Variants in OXR1 observed in about 807,000 individuals in gnomAD.
OXR1 encodes the protein oxidation resistance protein 1.
In OXR1, 41 loss-of-function variants were observed where a neutral mutation model predicts 104.6. The observed-to-expected ratio is 0.39, with a 90% CI of 0.31 to 0.51. The LOEUF is 0.51. Ranked by LOEUF, OXR1 falls within the 20% of genes least tolerant of loss-of-function variation. The pLI, the probability that OXR1 is intolerant of heterozygous loss-of-function variation, is 0.77. For synonymous variants in OXR1, 348 were observed against 348.4 expected, an observed-to-expected ratio of 1.00 and a Z score of 0.01; for missense variants, 955 against 1,031.9, an observed-to-expected ratio of 0.93 and a Z score of 1.02.
intron 3 of OXR1, among the ~76,000 whole-genome samples, chr8:106,596,759 T>A (rs1819553716): frequency 6.6e-6 from 1 of 152,020 alleles, no homozygotes; most frequent in African/African-American, 2.4e-5. Context: ...GGTAAAGAAC[T>A]AGTACGTGGA....
chr8:106,591,612 C>T (rs1819101024), intron 3 of OXR1, among the ~76,000 whole-genome samples: 1 of 151,960 alleles, frequency 6.6e-6, no homozygotes, highest in African/African-American at 2.4e-5. Flanking sequence ...CACTTATTTC[C>T]AACATTCCAA....
At chr8:106,419,293 G>T (rs1818808916) in intron 2 of OXR1, among the ~76,000 whole-genome samples, 1 of 152,120 alleles carries the variant, frequency 6.6e-6, no homozygotes, top group South Asian at 2.1e-4. Context: ...TTCTGGTGAG[G>T]CAGGTGCGTT....
At chr8:106,375,633 C>T (rs1252428141) in intron 2 of OXR1, among the ~76,000 whole-genome samples, 1 of 152,180 alleles carries the variant, frequency 6.6e-6, no homozygotes, top group Non-Finnish European at 1.5e-5. Context: ...TCATGTTACA[C>T]AATTCTGGTC....
chr8:106,464,351 A>G (rs1181407285), intron 2 of OXR1, among the ~76,000 whole-genome samples: 1 of 152,094 alleles, frequency 6.6e-6, no homozygotes. Context: ...AGCTATGAGG[A>G]AGGAAATCCA....
At chr8:106,463,347 A>G (rs1821008697) in intron 2 of OXR1, among the ~76,000 whole-genome samples, 1 of 152,094 alleles carries the variant, frequency 6.6e-6, no homozygotes, top group Non-Finnish European at 1.5e-5. Flanking sequence ...TTTCTCTGTT[A>G]AGTCAGGTAT....
intron 6 of OXR1, among the ~76,000 whole-genome samples, chr8:106,686,553 G>A (rs562682384): frequency 1.3e-5 from 2 of 152,136 alleles, no homozygotes; most frequent in African/African-American, 4.8e-5. Flanking sequence ...CTCCCATGCT[G>A]TATAAATCCC....
At chr8:106,678,897 A>G (rs755989235) in intron 3 of OXR1, among the ~76,000 whole-genome samples, 2 of 152,036 alleles carry the variant, frequency 1.3e-5, no homozygotes, top group Non-Finnish European at 2.9e-5. Context: ...ATGTGTTGGT[A>G]TTATAATCAG....
At chr8:106,662,290 G>A (rs1283875528) in intron 3 of OXR1, among the ~76,000 whole-genome samples, 1 of 152,038 alleles carries the variant, frequency 6.6e-6, no homozygotes, top group Non-Finnish European at 1.5e-5. Context: ...AAGTTAAGTG[G>A]GAATGTATTA....
chr8:106,478,601 T>C (rs28723394), intron 2 of OXR1, among the ~76,000 whole-genome samples: 10,296 of 151,888 alleles, frequency 0.068, 490 homozygotes, highest in Middle Eastern at 0.11. Flanking sequence ...TAGAGATAAA[T>C]ACTGGACTTA....
chr8:106,679,832 G>C (rs371287877), intron 4 of OXR1, among the ~76,000 whole-genome samples: 73 of 151,112 alleles, frequency 4.8e-4, no homozygotes, highest in African/African-American at 1.7e-3. Flanking sequence ...CACATTTCTG[G>C]TTACTCTGGG....
At chr8:106,656,990 G>A (rs982218280) in intron 3 of OXR1, among the ~76,000 whole-genome samples, 6 of 152,002 alleles carry the variant, frequency 3.9e-5, no homozygotes, top group African/African-American at 1.5e-4. Flanking sequence ...ATATATTGGT[G>A]ATTCCAAGAA....
At chr8:106,456,983 G>A (rs1294581861) in intron 2 of OXR1, among the ~76,000 whole-genome samples, 1 of 152,188 alleles carries the variant, frequency 6.6e-6, no homozygotes, top group Non-Finnish European at 1.5e-5. Context: ...AGCCATCTGA[G>A]TGGCATTATT....
intron 2 of OXR1, among the ~76,000 whole-genome samples, chr8:106,361,732 GT>G (rs2130345574): frequency 6.6e-6 from 1 of 152,094 alleles, no homozygotes; most frequent in South Asian, 2.1e-4. Context: ...CATTAATTTA[GT>G]TAAGCTGTTA....
chr8:106,453,000 TG>T (rs1820406507), intron 2 of OXR1, among the ~76,000 whole-genome samples: 1 of 152,156 alleles, frequency 6.6e-6, no homozygotes, highest in African/African-American at 2.4e-5. Flanking sequence ...TTGCCCCAAA[TG>T]TGCTCTGCTC....
At position 106,528,854 on chromosome 8, in the gene OXR1, C is replaced by T. The variant is rs75829115; in HGVS notation, c.220+9715C>T. Among the ~76,000 whole-genome samples the T allele has an allele frequency of 6.9e-3, 1,053 of 152,282 alleles. 10 individuals carry two copies. The highest frequency in any genetic ancestry group is 0.021 in the African/African-American group (855 of 41,552). Reference sequence around the variant, plus strand: ...AGTCTCTGTGATTTAATCAACAGAACTATCTTGGCATGCAGGTCACTGTCT... The same window carrying T: ...AGTCTCTGTGATTTAATCAACAGAATTATCTTGGCATGCAGGTCACTGTCT... On this transcript the variant is annotated intron_variant, in intron 3 of 16. Transcript: ENST00000517566.
intron 2 of OXR1, among the ~76,000 whole-genome samples, chr8:106,397,932 C>T (rs373292081): frequency 2.0e-5 from 3 of 152,102 alleles, no homozygotes; most frequent in East Asian, 1.9e-4. Flanking sequence ...AAGGCTGAGG[C>T]AGAATCTCTT....
intron 4 of OXR1, among the ~76,000 whole-genome samples, chr8:106,682,130 A>G (rs887429281): frequency 9.2e-5 from 14 of 151,922 alleles, no homozygotes; most frequent in Non-Finnish European, 1.5e-4. Flanking sequence ...CAAAACTTCT[A>G]TTGCATTCAT....
At chr8:106,356,890 A>T (rs1243751411) in intron 1 of OXR1, among the ~76,000 whole-genome samples, 1 of 152,134 alleles carries the variant, frequency 6.6e-6, no homozygotes, top group Non-Finnish European at 1.5e-5. Flanking sequence ...TTAGAATAAT[A>T]GTTTTACAGG....
chr8:106,331,121 T>C (rs1192210372), intron 1 of OXR1, among the ~76,000 whole-genome samples: 3 of 152,238 alleles, frequency 2.0e-5, no homozygotes, highest in Admixed American at 1.3e-4. Context: ...GTTCAAGACA[T>C]GCTTCTTACT....
Sources: gnomAD v4.1 joint callset for allele counts (sites outside exome capture counted in the v4.1 genomes callset) on GRCh38, gnomAD v4.1.1 for gene constraint, MANE v1.5 for transcripts, NCBI Gene and HGNC (gene_info 2026-07-23, HGNC 2026-07-21) for gene names.